The following TTC19 variants were observed in gnomAD, a reference collection of about 807,000 sequenced individuals.
TTC19 encodes tetratricopeptide repeat domain 19, also known as tetratricopeptide repeat protein 19, mitochondrial.
A neutral mutation model predicts 49.5 loss-of-function variants in TTC19; 38 were observed. That is an observed-to-expected ratio of 0.77 (90% CI 0.59 to 1.01). TTC19 has a LOEUF of 1.01. Ranked by LOEUF, TTC19 falls within the 50% of genes least tolerant of loss-of-function variation. TTC19 has a pLI of 0.00. For missense variants in TTC19, 475 were observed against 477.7 expected (o/e 0.99, Z 0.05); for synonymous variants, 204 against 185.2 (o/e 1.10, Z -0.83).
Position 16,002,023 on chromosome 17 carries a change from T to G in TTC19, c.421T>G (p.Leu141Val), listed in dbSNP as rs755530528. 3.2e-5 allele frequency: 51 copies of G among 1,606,844 alleles called. No individual in the cohort carries two copies. Among genetic ancestry groups the G allele is most frequent in the Non-Finnish European group, 9.4e-6 (11 of 1,175,834 alleles). The change falls in exon 3 of 10, where the codon TTG (leucine) becomes GTG (valine). Residue 141 changes from leucine (L) to valine (V), a missense_variant and splice_region_variant. By Grantham distance (32) the Leu-to-Val change is conservative. Transcript: ENST00000261647. ...GAAGGCCATCACTTACACTTATGATTTGGTAACTCTTATAACCAGTCTGAA... is the reference window on the plus strand; with the variant it reads ...GAAGGCCATCACTTACACTTATGATGTGGTAACTCTTATAACCAGTCTGAA... ...NKKAITYTYD[L>V]MANLAFIRGQ...
At chr17:16,029,521 T>C (rs892176307), downstream of TTC19, 182 of 253,266 alleles carry the variant, frequency 7.2e-4, 3 homozygotes, top group Admixed American at 9.2e-3. Context: ...AAACTGGCTG[T>C]CAGAATACTT....
chr17:16,011,119 C>T (rs921622732), intron 7 of TTC19, among the ~76,000 whole-genome samples: 1 of 152,198 alleles, frequency 6.6e-6, no homozygotes, highest in Non-Finnish European at 1.5e-5. Context: ...TTCTAGAGTT[C>T]ATGTTGGCTC....
rs1456886703 is a variant in TTC19, at chr17:16,026,650, T to A, written c.942T>A (p.His314Gln). The change falls in exon 9 of 10, where the codon CAT becomes CAA. Residue 314 changes from histidine (H) to glutamine (Q), a missense_variant. Coordinates refer to ENST00000261647, the MANE Select transcript of TTC19 (RefSeq NM_017775.4). ...CAGATCTGGCAAGACAGATAAATCA[T>A]CCTGAGCTACACATGGTACTCAGTA... ...RASDLARQIN[H>Q]PELHMVLSNL... is the part of the protein sequence containing the mutation. 6.2e-7 allele frequency: 1 copy of A among 1,614,030 alleles called. No individual in the cohort carries two copies. The highest frequency in any genetic ancestry group is 8.5e-7 in the Non-Finnish European group (1 of 1,180,010).
intron 7 of TTC19, among the ~76,000 whole-genome samples, chr17:16,006,769 T>G (rs1048778758): frequency 1.3e-5 from 2 of 150,446 alleles, no homozygotes; most frequent in African/African-American, 2.4e-5. Flanking sequence ...TGGTGGTGGT[T>G]TTTTTTTTAA....
At chr17:16,043,433 A>G (rs1350535697) in intron 2 of TTC19, among the ~76,000 whole-genome samples, 1 of 152,236 alleles carries the variant, frequency 6.6e-6, no homozygotes, top group East Asian at 1.9e-4. Flanking sequence ...CTCTAAAGCA[A>G]TTCTGTTAGT....
At chr17:16,017,134 A>C (rs1289909346) in intron 7 of TTC19, among the ~76,000 whole-genome samples, 1 of 152,160 alleles carries the variant, frequency 6.6e-6, no homozygotes, top group African/African-American at 2.4e-5. Context: ...ATTTGTTACG[A>C]ATTCTAGTTT....
intron 9 of TTC19, chr17:16,027,046 A>G (rs1421955476): frequency 2.0e-6 from 1 of 508,330 alleles, no homozygotes; most frequent in African/African-American, 1.9e-5. Flanking sequence ...GACAGGAAGT[A>G]TCATTTTGTC....
intron 7 of TTC19, among the ~76,000 whole-genome samples, chr17:16,013,506 T>A (rs1346567453): frequency 6.6e-6 from 1 of 152,216 alleles, no homozygotes; most frequent in Non-Finnish European, 1.5e-5. Flanking sequence ...TTTCCTTTTA[T>A]TTCTAAACAG....
intron 6 of TTC19, 76 bp downstream of exon 6, chr17:16,004,338 T>G: frequency 7.2e-7 from 1 of 1,382,522 alleles, no homozygotes; most frequent in South Asian, 1.2e-5. Flanking sequence ...ATTCATTGTC[T>G]ACTGGTCATC....
At position 16,039,208 on chromosome 17, in the gene TTC19, G is replaced by C. The variant is rs867225026; in HGVS notation, c.248-5295G>C. On this transcript the variant is annotated intron_variant, in intron 2 of 2. Coordinates refer to the TTC19 transcript ENST00000470649. Reference sequence around the variant, plus strand: ...AAACAAATAAAAAATGGACATCCCAGGAGGGTGACACTTTGGGTAAAAATT... The same window carrying C: ...AAACAAATAAAAAATGGACATCCCACGAGGGTGACACTTTGGGTAAAAATT... The C allele has an allele frequency of 2.0e-5, 11 of 542,658 alleles. No homozygotes were observed. In the Middle Eastern group the frequency reaches 2.5e-3, roughly 125 times the overall value. The allele number at this position is 542,658 out of a possible 1,614,324, so 33.6% of individuals were successfully genotyped here.
chr17:16,004,410 C>T (rs1970832042), intron 6 of TTC19, 148 bp downstream of exon 6: 5 of 814,926 alleles, frequency 6.1e-6, no homozygotes, highest in Non-Finnish European at 1.1e-5. Context: ...TTGAAATTGT[C>T]AGTCTTTTTC....
chr17:16,000,106 C>T lies in TTC19; in HGVS notation c.185-12C>T. ...GGGCCGGGCCCGATGACCTCAGAGCCCCTTCCCGCAGCGCTCGCCTGGTTC... is the reference window on the plus strand; with the variant it reads ...GGGCCGGGCCCGATGACCTCAGAGCTCCTTCCCGCAGCGCTCGCCTGGTTC... On this transcript the variant is annotated splice_polypyrimidine_tract_variant and intron_variant, in intron 1 of 9. Coordinates refer to ENST00000261647, the MANE Select transcript of TTC19 (RefSeq NM_017775.4). The T allele has an allele frequency of 2.6e-6, 4 of 1,532,572 alleles. No individual in the cohort carries two copies. Among genetic ancestry groups the T allele is most frequent in the Non-Finnish European group, 2.6e-6 (3 of 1,146,536 alleles). The allele number at this position is 1,532,572 out of a possible 1,614,324, so 94.9% of individuals were successfully genotyped here. A position where few individuals can be genotyped will look rare whatever the true frequency, so the allele number is the denominator to read the frequency against.
chr17:16,006,197 G>A (rs1413534786), intron 6 of TTC19, among the ~76,000 whole-genome samples: 5 of 152,200 alleles, frequency 3.3e-5, no homozygotes, highest in African/African-American at 7.2e-5. Context: ...ATCACTTAAG[G>A]TCAGGAGTTC....
chr17:16,004,184 T>C lies in TTC19; in HGVS notation c.520-17T>C. On this transcript the variant is annotated splice_polypyrimidine_tract_variant and intron_variant, in intron 5 of 9. Transcript: ENST00000261647. ...ATTTACTTGTTATGAGTTCCCTTCA[T>C]TCTCTTTCTCTCACAGGAGGACAAT... 1 of 1,613,186 alleles carries C rather than the reference T, an allele frequency of 6.2e-7. No homozygotes were observed. Among genetic ancestry groups the C allele is most frequent in the Non-Finnish European group, 8.5e-7 (1 of 1,179,054 alleles).
At chr17:16,034,945 C>T (rs1304246858) in intron 2 of TTC19, 1 of 1,613,324 alleles carries the variant, frequency 6.2e-7, no homozygotes, top group Admixed American at 1.7e-5. Context: ...CAAACTCCTC[C>T]TGAAAGTGAA....
chr17:16,042,394 T>C (rs2057890261), intron 2 of TTC19, among the ~76,000 whole-genome samples: 1 of 152,234 alleles, frequency 6.6e-6, no homozygotes, highest in Non-Finnish European at 1.5e-5. Context: ...GACAATTTCC[T>C]ATAAGTTAAC....
intron 9 of TTC19, chr17:16,026,982 T>C: frequency 1.9e-6 from 1 of 539,244 alleles, no homozygotes; most frequent in Non-Finnish European, 3.3e-6. Flanking sequence ...TTTACAGATT[T>C]CTAAATGTGT....
downstream of TTC19, chr17:16,031,031 GA>G (rs1971887459): frequency 2.6e-5 from 5 of 195,416 alleles, no homozygotes; most frequent in Admixed American, 3.1e-4. Flanking sequence ...TAAATTGTAT[GA>G]AAAAAACTTT....
chr17:16,039,736 G>A (rs773362226), intron 2 of TTC19: 63 of 1,233,682 alleles, frequency 5.1e-5, no homozygotes, highest in Non-Finnish European at 6.6e-5. Context: ...TCAGCCCACT[G>A]AATACACACA....
Sources: gnomAD v4.1 joint callset for allele counts (sites outside exome capture counted in the v4.1 genomes callset) on GRCh38, gnomAD v4.1.1 for gene constraint, MANE v1.5 for transcripts, NCBI Gene and HGNC (gene_info 2026-07-23, HGNC 2026-07-21) for gene names.